THBS3: variants seen among roughly 807,000 people sequenced by gnomAD.
THBS3 encodes the protein thrombospondin 3.
In THBS3, 78 loss-of-function variants were observed where a neutral mutation model predicts 118.3. The observed-to-expected ratio is 0.66, with a 90% CI of 0.55 to 0.80. The LOEUF (loss-of-function observed/expected upper bound fraction) is 0.80. Among genes scored for constraint, THBS3 ranks in the 30% least tolerant of loss-of-function variants. The probability of loss-of-function intolerance (pLI) is 0.00; values close to 1 mark genes in which losing one functional copy is unlikely to be tolerated. For synonymous variants in THBS3, 427 were observed against 475.3 expected, an observed-to-expected ratio of 0.90 and a Z score of 1.32; for missense variants, 1,057 against 1,247.4, an observed-to-expected ratio of 0.85 and a Z score of 2.30.
rs754357057 is a variant in THBS3, at chr1:155,200,446, T to C, written c.1708+5A>G. 1 of 1,613,792 alleles carries C rather than the reference T, an allele frequency of 6.2e-7. No individual in the cohort carries two copies. The highest frequency in any genetic ancestry group is 8.5e-7 in the Non-Finnish European group (1 of 1,179,790). On this transcript the variant is annotated splice_donor_5th_base_variant and intron_variant, in intron 14 of 22. Coordinates refer to ENST00000368378, the MANE Select transcript of THBS3 (RefSeq NM_007112.5). ...CCAGCCACCCCTTCAGCCCCAGGCC[T>C]GCACCATCCCCATCCACGTCGTTGT...
chr1:155,207,332 C>T (rs1245167833), intron 1 of THBS3, among the ~76,000 whole-genome samples: 3 of 152,232 alleles, frequency 2.0e-5, no homozygotes, highest in African/African-American at 7.2e-5. Context: ...GTCATCTGCT[C>T]CAGCTACCTC....
At chr1:155,207,245 A>G (rs1464588929) in intron 1 of THBS3, among the ~76,000 whole-genome samples, 2 of 152,176 alleles carry the variant, frequency 1.3e-5, no homozygotes, top group Admixed American at 1.3e-4. Flanking sequence ...ACGGGAATGT[A>G]GGACCCAGCT....
At chr1:155,208,553 C>T, upstream of THBS3, 1 of 454,448 alleles carries the variant, frequency 2.2e-6, no homozygotes, top group East Asian at 3.4e-5. Flanking sequence ...CGCAGAAGAC[C>T]AGGGGTACAG....
At position 155,203,073 on chromosome 1, in the gene THBS3, C is replaced by T. The variant is rs773715404; in HGVS notation, c.808+13G>A. The T allele has an allele frequency of 6.2e-7, 1 of 1,614,184 alleles. No homozygotes were observed. Among genetic ancestry groups the T allele is most frequent in the Non-Finnish European group, 8.5e-7 (1 of 1,180,036 alleles). Reference sequence around the variant, plus strand: ...GCACGGTCATGTGGAGCCTCCCCTGCTCTCCCACTCACCGCACACCTGACA... The same window carrying T: ...GCACGGTCATGTGGAGCCTCCCCTGTTCTCCCACTCACCGCACACCTGACA... On this transcript the variant is annotated intron_variant, in intron 7 of 22. Transcript: ENST00000368378.
At chr1:155,196,168 G>A in intron 21 of THBS3, 42 bp from the exon 22 acceptor site, 1 of 1,610,582 alleles carries the variant, frequency 6.2e-7, no homozygotes, top group South Asian at 1.1e-5. Context: ...TGGTGCTAGG[G>A]TGCCAGTGGG....
At position 155,197,999 on chromosome 1, in the gene THBS3, G is replaced by T. The variant is rs765761175; in HGVS notation, c.2253+43C>A. The T allele has an allele frequency of 6.2e-7, 1 of 1,613,914 alleles. No individual in the cohort carries two copies. Among genetic ancestry groups the T allele is most frequent in the African/African-American group, 1.3e-5 (1 of 74,912 alleles). On this transcript the variant is annotated intron_variant, in intron 18 of 22. Transcript: ENST00000368378. This position sits in a 1 kb window ranked among gnomAD's most constrained non-coding sequence, Gnocchi z 5.0. The stretch of plus-strand genomic sequence containing the variant: ...CCCTCCCAGGCCCCCCGTCCCAGTA[G>T]CCCTGTCTGATAGCACCTGCCCAGC...
Position 155,195,869 on chromosome 1 carries a change from C to T in THBS3, c.2843G>A (p.Arg948Gln). 4 of 1,614,002 alleles carry T rather than the reference C, an allele frequency of 2.5e-6. No individual in the cohort carries two copies. Among genetic ancestry groups the T allele is most frequent in the East Asian group, 2.2e-5 (1 of 44,880 alleles). The change falls in exon 23 of 23, where the codon CGG becomes CAG. Residue 948 changes from arginine to glutamine, a missense_variant. By Grantham distance (43) the Arg-to-Gln change is conservative (BLOSUM62 1). Coordinates refer to ENST00000368378, the MANE Select transcript of THBS3 (RefSeq NM_007112.5). Reference sequence around the variant, plus strand: ...CACCCTTCCCTGGAGCAGCTGCCTCCGGAATGGCTCAAAGTCCTCAGGCAC... The same window carrying T: ...CACCCTTCCCTGGAGCAGCTGCCTCTGGAATGGCTCAAAGTCCTCAGGCAC... ...DTVPEDFEPF[R>Q]RQLLQGRV
In THBS3 at chr1:155,197,234, C is replaced by G; in HGVS notation, c.2500-21G>C. The stretch of plus-strand genomic sequence containing the variant: ...ACTGCCTAGGAGACATTGGCAAAGA[C>G]AGTGGGTCAACTGCAGAACTGGAGT... On this transcript the variant is annotated intron_variant, in intron 20 of 22. Transcript: ENST00000368378. This position sits in a 1 kb window ranked among gnomAD's most constrained non-coding sequence, Gnocchi z 5.0. 6.2e-7 allele frequency: 1 copy of G among 1,608,118 alleles called. No individual in the cohort carries two copies. Among genetic ancestry groups the G allele is most frequent in the Non-Finnish European group, 8.5e-7 (1 of 1,175,054 alleles).
chr1:155,202,476 C>G lies in THBS3; in HGVS notation c.958-75G>C. The G allele has an allele frequency of 6.4e-7, 1 of 1,571,040 alleles. No individual in the cohort carries two copies. Among genetic ancestry groups the G allele is most frequent in the Non-Finnish European group, 8.6e-7 (1 of 1,158,714 alleles). On this transcript the variant is annotated intron_variant, in intron 8 of 22. Coordinates refer to ENST00000368378, the MANE Select transcript of THBS3 (RefSeq NM_007112.5). The surrounding 1 kb of genome is among the most constrained non-coding windows in gnomAD (Gnocchi z 5.5). ...AGGTCCCTGCCTGTGATCCAGGAAC[C>G]ATTGCTCCAGGTCTCCCCTTTGTGC...
chr1:155,207,869 G>GTCTCCATGCCTCTCAGCCGGC lies in THBS3; in HGVS notation c.-14_7dup (p.Glu2_Thr3insSerArgLeuArgGlyMetGlu), dbSNP rs1557882884. On this transcript the variant is annotated inframe_insertion, in exon 1 of 23. Transcript: ENST00000368378. ...AGCCAGGGCCCCCCGAAGTTCCTGC[G>GTCTCCATGCCTCTCAGCCGGC]TCTCCATGCCTCTCAGCCGGCTCAC... The GTCTCCATGCCTCTCAGCCGGC allele has an allele frequency of 1.2e-6, 2 of 1,613,872 alleles. No homozygotes were observed. Among genetic ancestry groups the GTCTCCATGCCTCTCAGCCGGC allele is most frequent in the South Asian group, 2.2e-5 (2 of 91,078 alleles).
chr1:155,202,254 G>C lies in THBS3; in HGVS notation c.1098+7C>G, dbSNP rs1669869744. ...ATCCCTTGTCCACACACACTACCCA[G>C]TCTGACCTGTTTGCTGGCCCGGGCA... On this transcript the variant is annotated splice_region_variant and intron_variant, in intron 9 of 22. Transcript: ENST00000368378. This position sits in a 1 kb window ranked among gnomAD's most constrained non-coding sequence, Gnocchi z 5.5. The C allele has an allele frequency of 6.2e-7, 1 of 1,613,442 alleles. No individual in the cohort carries two copies. Among genetic ancestry groups the C allele is most frequent in the African/African-American group, 1.3e-5 (1 of 74,912 alleles).
Position 155,197,941 on chromosome 1 carries a change from A to T in THBS3, c.2254-13T>A, listed in dbSNP as rs373789159. 5.7e-5 allele frequency: 92 copies of T among 1,614,030 alleles called. No individual in the cohort carries two copies. Among genetic ancestry groups the T allele is most frequent in the Non-Finnish European group, 7.5e-5 (89 of 1,180,032 alleles). On this transcript the variant is annotated splice_polypyrimidine_tract_variant and intron_variant, in intron 18 of 22. Transcript: ENST00000368378. The surrounding 1 kb of genome is among the most constrained non-coding windows in gnomAD (Gnocchi z 5.0). ...CGATTTCCATGCCCTGGGGTTGTATAGTAAAGAAAAAGCTGTGATGCAGGT... is the reference window on the plus strand; with the variant it reads ...CGATTTCCATGCCCTGGGGTTGTATTGTAAAGAAAAAGCTGTGATGCAGGT...
chr1:155,200,641 G>C lies in THBS3; in HGVS notation c.1549-31C>G, dbSNP rs375111449. ...CAGAGGGGTGGGAGGGGAAGGGTCA[G>C]GTCTCCCCTAAATCACTTGTCATCT... On this transcript the variant is annotated intron_variant, in intron 13 of 22. Coordinates refer to ENST00000368378, the MANE Select transcript of THBS3 (RefSeq NM_007112.5). 2.5e-6 allele frequency: 4 copies of C among 1,610,122 alleles called. No homozygotes were observed. In the African/African-American group the frequency reaches 4.0e-5, roughly 16 times the overall value.
chr1:155,204,683 T>G, intron 4 of THBS3, 172 bp downstream of exon 4: 3 of 643,450 alleles, frequency 4.7e-6, no homozygotes, highest in Non-Finnish European at 2.7e-6. Context: ...CTCGGATGGG[T>G]GTATTGGAGA....
intron 11 of THBS3, 41 bp from the exon 12 acceptor site, chr1:155,201,245 G>A: frequency 6.2e-7 from 1 of 1,611,782 alleles, no homozygotes; most frequent in East Asian, 2.2e-5. Context: ...GTTTGGTCTG[G>A]CTCCCCTCCT....
chr1:155,206,380 A>G lies in THBS3; in HGVS notation c.106T>C (p.Ser36Pro). Residue 36 changes from serine to proline, a missense_variant, in exon 2 of 23, where the codon TCT (serine) becomes CCT (proline). This residue lies in a region of THBS3 where 206 missense variants were observed against 205.7 expected (regional missense o/e 1.00). Transcript: ENST00000368378. This position sits in a 1 kb window ranked among gnomAD's most constrained non-coding sequence, Gnocchi z 4.2. Reference sequence around the variant, plus strand: ...TCTGCCACAGCTACCATCTGCCGAGACTCGCCCACAGTCAGCAGGTCAATT... The same window carrying G: ...TCTGCCACAGCTACCATCTGCCGAGGCTCGCCCACAGTCAGCAGGTCAATT... ...QVIDLLTVGE[S>P]RQMVAVAEKI... 1 of 1,614,058 alleles carries G rather than the reference A, an allele frequency of 6.2e-7. No individual in the cohort carries two copies. The highest frequency in any genetic ancestry group is 1.7e-5 in the Admixed American group (1 of 60,010).
At chr1:155,196,286 G>C (rs1208512510) in intron 21 of THBS3, 160 bp from the exon 22 acceptor site, 12 of 887,738 alleles carry the variant, frequency 1.4e-5, no homozygotes, top group Admixed American at 8.2e-5. Context: ...GAGAGGGAAG[G>C]GGGGTGCTTT....
chr1:155,202,514 A>C lies in THBS3; in HGVS notation c.958-113T>G. The C allele has an allele frequency of 6.9e-7, 1 of 1,444,492 alleles. No homozygotes were observed. The allele number at this position is 1,444,492 out of a possible 1,614,324, so 89.5% of individuals were successfully genotyped here. A position where few individuals can be genotyped will look rare whatever the true frequency, so the allele number is the denominator to read the frequency against. ...CTCCCCTTTGTGCAGCTCTCCCCAC[A>C]CAACTGCCTTGTGCTCCTGGTCCCC... On this transcript the variant is annotated intron_variant, in intron 8 of 22. Transcript: ENST00000368378. This position sits in a 1 kb window ranked among gnomAD's most constrained non-coding sequence, Gnocchi z 5.5.
At chr1:155,196,307 G>A in intron 21 of THBS3, 181 bp from the exon 22 acceptor site, 1 of 685,136 alleles carries the variant, frequency 1.5e-6, no homozygotes, top group Non-Finnish European at 2.4e-6. Flanking sequence ...TCTCAGGCCT[G>A]GGGCCCCTAG....
Sources: allele counts gnomAD v4.1 joint callset (sites outside exome capture counted in the v4.1 genomes callset), GRCh38; gene constraint gnomAD v4.1.1; regional missense constraint gnomAD v4.1.1; non-coding constraint Gnocchi (gnomAD v3.1); transcripts MANE v1.5; gene names NCBI Gene and HGNC (gene_info 2026-07-23, HGNC 2026-07-21).